MICU1: variants seen among roughly 807,000 people sequenced by gnomAD.
MICU1 encodes mitochondrial calcium uptake 1, also known as calcium uptake protein 1, mitochondrial.
Under a neutral mutation model 56.8 loss-of-function variants are expected in MICU1, and 45 were observed. The observed-to-expected ratio is 0.79, with a 90% CI of 0.62 to 1.02. The LOEUF is 1.02. Ranked by LOEUF, MICU1 falls within the 50% of genes least tolerant of loss-of-function variation. The pLI is 0.00. For synonymous variants in MICU1, 186 were observed against 195.1 expected, an observed-to-expected ratio of 0.95 and a Z score of 0.39; for missense variants, 504 against 587.1, an observed-to-expected ratio of 0.86 and a Z score of 1.46.
At chr10:72,578,726 G>A (rs1840818646) in intron 1 of MICU1, among the ~76,000 whole-genome samples, 1 of 151,954 alleles carries the variant, frequency 6.6e-6, no homozygotes, top group Non-Finnish European at 1.5e-5. Flanking sequence ...TCCTGCCTCA[G>A]TCTCCCGAGT....
intron 8 of MICU1, chr10:72,467,818 AT>A (rs967539455): frequency 0.054 from 7,762 of 142,546 alleles, 480 homozygotes; most frequent in African/African-American, 0.18. Context: ...AAACGTAACA[AT>A]TTTTTTTTTT....
chr10:72,459,530 G>A (rs535501866), intron 8 of MICU1, among the ~76,000 whole-genome samples: 2 of 152,240 alleles, frequency 1.3e-5, no homozygotes, highest in African/African-American at 4.8e-5. Flanking sequence ...ATATGAGGGT[G>A]ATCTGGCTGA....
At chr10:72,512,293 TAGAG>T (rs1442841676) in intron 5 of MICU1, among the ~76,000 whole-genome samples, 3 of 151,842 alleles carry the variant, frequency 2.0e-5, no homozygotes, top group African/African-American at 7.3e-5. Context: ...TGTATTTTAG[TAGAG>T]ATGGGTTTCA....
At chr10:72,561,943 T>C (rs1840307060) in intron 3 of MICU1, among the ~76,000 whole-genome samples, 1 of 152,178 alleles carries the variant, frequency 6.6e-6, no homozygotes, top group South Asian at 2.1e-4. Context: ...CTTGTTGCAT[T>C]ATTAGCTATA....
At chr10:72,623,375 GA>G (rs71021517) in intron 1 of MICU1, among the ~76,000 whole-genome samples, 1 of 144,802 alleles carries the variant, frequency 6.9e-6, no homozygotes, top group East Asian at 2.0e-4. Context: ...GGAGAAGAAA[GA>G]AAAAAAGAAA....
chr10:72,538,009 G>A (rs1564924808), intron 4 of MICU1, among the ~76,000 whole-genome samples: 1 of 152,094 alleles, frequency 6.6e-6, no homozygotes, highest in Non-Finnish European at 1.5e-5. Context: ...TTCTGAGGGT[G>A]GAGAAATTAG....
intron 1 of MICU1, among the ~76,000 whole-genome samples, chr10:72,568,747 CTTTTTTTTTTTT>C (rs72319510): frequency 1.4e-3 from 80 of 55,556 alleles, no homozygotes; most frequent in African/African-American, 5.2e-3. Context: ...AGTTCTTATT[CTTTTTTTTTTTT>C]TTTTTTTTTT....
At chr10:72,547,675 T>C (rs956158883) in intron 4 of MICU1, among the ~76,000 whole-genome samples, 8 of 152,146 alleles carry the variant, frequency 5.3e-5, no homozygotes, top group Admixed American at 2.0e-4. Context: ...ATTTTATATA[T>C]GGGTGAAGCA....
In MICU1 at chr10:72,480,933, TTC is replaced by T. The variant is rs960796645; in HGVS notation, c.653-3679_653-3678del. ...AAGTATACCCTGTAATGCTTGAGGT[TTC>T]TCTGTCTTTTTATCCTGGTATAGTT... On this transcript the variant is annotated intron_variant, in intron 6 of 11. Transcript: ENST00000361114. Among the ~76,000 whole-genome samples, 19 of 152,350 alleles carry T rather than the reference TTC, an allele frequency of 1.2e-4. No individual in the cohort carries two copies. In the South Asian group the frequency reaches 1.4e-3, roughly 12 times the overall value.
chr10:72,557,204 C>T (rs1840180335), intron 3 of MICU1, among the ~76,000 whole-genome samples: 1 of 152,136 alleles, frequency 6.6e-6, no homozygotes, highest in Non-Finnish European at 1.5e-5. Flanking sequence ...ATGAAATTGT[C>T]TTTCTCACTA....
At chr10:72,476,948 C>T (rs780734341) in intron 7 of MICU1, among the ~76,000 whole-genome samples, 2 of 152,128 alleles carry the variant, frequency 1.3e-5, no homozygotes, top group African/African-American at 4.8e-5. Flanking sequence ...TCGGAGCAAC[C>T]GTGACCTTAA....
intron 5 of MICU1, among the ~76,000 whole-genome samples, chr10:72,519,874 A>G (rs1359611682): frequency 6.6e-6 from 1 of 152,204 alleles, no homozygotes; most frequent in East Asian, 1.9e-4. Flanking sequence ...TGCAAAATCA[A>G]TGCTTACATA....
chr10:72,466,427 A>G (rs1290449481), intron 8 of MICU1, among the ~76,000 whole-genome samples: 2 of 152,196 alleles, frequency 1.3e-5, no homozygotes, highest in African/African-American at 4.8e-5. Context: ...ATAAGGGAGG[A>G]CTACTGTACT....
At chr10:72,380,233 C>G (rs1219155971) in intron 10 of MICU1, among the ~76,000 whole-genome samples, 3 of 152,260 alleles carry the variant, frequency 2.0e-5, no homozygotes, top group Non-Finnish European at 4.4e-5. Context: ...AAGATGTCTA[C>G]AGGGAGCATG....
At chr10:72,623,125 C>T (rs200063034) in intron 1 of MICU1, among the ~76,000 whole-genome samples, 1 of 151,392 alleles carries the variant, frequency 6.6e-6, no homozygotes, top group South Asian at 2.1e-4. Flanking sequence ...AAAAATTAGC[C>T]GGGCGTGGTG....
intron 5 of MICU1, among the ~76,000 whole-genome samples, chr10:72,516,871 G>T (rs1419781229): frequency 1.3e-5 from 2 of 152,186 alleles, no homozygotes; most frequent in Non-Finnish European, 2.9e-5. Flanking sequence ...TGCAGTTGGG[G>T]TGGTAAAGAA....
chr10:72,457,458 G>C (rs1383514171), intron 8 of MICU1, among the ~76,000 whole-genome samples: 1 of 150,910 alleles, frequency 6.6e-6, no homozygotes, highest in African/African-American at 2.4e-5. Context: ...ATAGACTCAA[G>C]TGATCCTCCC....
intron 11 of MICU1, among the ~76,000 whole-genome samples, chr10:72,375,325 C>T (rs1862481722): frequency 6.6e-6 from 1 of 152,130 alleles, no homozygotes; most frequent in Admixed American, 6.5e-5. Context: ...GGCTAAATGA[C>T]AGAGCAGAGT....
Position 72,367,582 on chromosome 10 carries a change from T to A in MICU1, c.*613A>T, listed in dbSNP as rs1455394175. On this transcript the variant is annotated 3_prime_UTR_variant, in exon 12 of 12. Transcript: ENST00000361114. ...GTGCACAGAGCCATGAAGCAACTAC[T>A]TTAAATTCTGAATCTTGCTGTGTTC... is the stretch of plus-strand genomic sequence containing the variant. The A allele has an allele frequency of 6.6e-6, 1 of 152,620 alleles. No individual in the cohort carries two copies. 9.5% of individuals were successfully genotyped at this position (152,620 alleles called of 1,614,324 possible).
Sources: gnomAD v4.1 joint callset for allele counts (sites outside exome capture counted in the v4.1 genomes callset) on GRCh38, gnomAD v4.1.1 for gene constraint, MANE v1.5 for transcripts, NCBI Gene and HGNC (gene_info 2026-07-23, HGNC 2026-07-21) for gene names.